CSNK1G3: variants seen among roughly 807,000 people sequenced by gnomAD.
The protein encoded by CSNK1G3 is casein kinase I isoform gamma-3.
Under a neutral mutation model 64.3 loss-of-function variants are expected in CSNK1G3, and 23 were observed. The observed-to-expected ratio is 0.36, with a 90% CI of 0.26 to 0.51. The LOEUF is 0.51. Ranked by LOEUF, CSNK1G3 falls within the 20% of genes least tolerant of loss-of-function variation. CSNK1G3 has a pLI of 0.96. For synonymous variants in CSNK1G3, 158 were observed against 162.2 expected (o/e 0.97, Z 0.20); for missense variants, 357 against 510.5 (o/e 0.70, Z 2.90).
chr5:123,599,762 T>C (rs915776358), intron 10 of CSNK1G3, among the ~76,000 whole-genome samples: 1 of 152,094 alleles, frequency 6.6e-6, no homozygotes, highest in Non-Finnish European at 1.5e-5. Context: ...GGAGGGAGTA[T>C]GGTTATGTGC....
At chr5:123,591,507 A>G (rs1272651513) in intron 10 of CSNK1G3, 93 bp downstream of exon 10, 10 of 641,480 alleles carry the variant, frequency 1.6e-5, no homozygotes, top group Non-Finnish European at 2.6e-5. Flanking sequence ...AGGATTGAAA[A>G]TACATATTTT....
intron 2 of CSNK1G3, among the ~76,000 whole-genome samples, chr5:123,550,550 C>A (rs914135879): frequency 1.3e-5 from 2 of 152,136 alleles, no homozygotes; most frequent in African/African-American, 4.8e-5. Flanking sequence ...ATAGTTGTTT[C>A]TGCTGTAAAC....
intron 1 of CSNK1G3, among the ~76,000 whole-genome samples, chr5:123,516,822 GT>G (rs559206308): frequency 1.3e-4 from 20 of 151,802 alleles, no homozygotes; most frequent in African/African-American, 4.3e-4. Flanking sequence ...AAAGTTTAAT[GT>G]TTTTTTTCTC....
intron 12 of CSNK1G3, among the ~76,000 whole-genome samples, chr5:123,608,055 C>G (rs535552233): frequency 1.2e-4 from 19 of 152,190 alleles, no homozygotes; most frequent in African/African-American, 3.4e-4. Context: ...CCAGCCCCCC[C>G]AGTAGGTGGG....
intron 4 of CSNK1G3, among the ~76,000 whole-genome samples, chr5:123,565,168 G>T (rs1387850760): frequency 2.6e-5 from 4 of 152,052 alleles, no homozygotes; most frequent in Admixed American, 6.6e-5. Flanking sequence ...TTAATGTCTG[G>T]CTTAACAGTA....
chr5:123,563,360 A>T (rs1248631633), intron 4 of CSNK1G3, among the ~76,000 whole-genome samples: 1 of 152,034 alleles, frequency 6.6e-6, no homozygotes, highest in Non-Finnish European at 1.5e-5. Flanking sequence ...TACTGAAATT[A>T]TAACTCTTTA....
intron 4 of CSNK1G3, among the ~76,000 whole-genome samples, chr5:123,557,944 G>A (rs1784940047): frequency 6.6e-6 from 1 of 152,130 alleles, no homozygotes; most frequent in Non-Finnish European, 1.5e-5. Flanking sequence ...ACATGTTACT[G>A]TATGACAAAG....
At chr5:123,604,186 GT>G (rs1255476235) in intron 10 of CSNK1G3, among the ~76,000 whole-genome samples, 1 of 152,042 alleles carries the variant, frequency 6.6e-6, no homozygotes, top group Non-Finnish European at 1.5e-5. Context: ...TTAGATGTGG[GT>G]TTTAAGTTAA....
intron 10 of CSNK1G3, among the ~76,000 whole-genome samples, chr5:123,593,784 A>G (rs1792891154): frequency 6.6e-6 from 1 of 152,046 alleles, no homozygotes; most frequent in Non-Finnish European, 1.5e-5. Flanking sequence ...GCATTGTACA[A>G]TTTAGGAAGC....
intron 4 of CSNK1G3, among the ~76,000 whole-genome samples, chr5:123,562,253 C>T (rs1785896853): frequency 6.6e-6 from 1 of 152,030 alleles, no homozygotes; most frequent in Non-Finnish European, 1.5e-5. Context: ...AGAAAATCTT[C>T]TTATTTGATC....
intron 2 of CSNK1G3, among the ~76,000 whole-genome samples, chr5:123,551,010 C>G (rs1175602150): frequency 1.3e-5 from 2 of 152,102 alleles, no homozygotes; most frequent in African/African-American, 4.8e-5. Context: ...TGAAAGCCAA[C>G]AAAAATAGTA....
At chr5:123,589,894 A>G (rs917767444) in intron 8 of CSNK1G3, among the ~76,000 whole-genome samples, 1 of 152,188 alleles carries the variant, frequency 6.6e-6, no homozygotes, top group East Asian at 1.9e-4. Context: ...TGTTAGCTTA[A>G]TTGGTTAGAA....
chr5:123,573,318 A>G (rs1304777718), intron 4 of CSNK1G3, 75 bp from the exon 5 acceptor site: 3 of 1,467,500 alleles, frequency 2.0e-6, no homozygotes, highest in Non-Finnish European at 2.8e-6. Context: ...TAAAATTTTA[A>G]ATATCAGTTT....
intron 6 of CSNK1G3, among the ~76,000 whole-genome samples, chr5:123,585,568 C>T (rs1280322347): frequency 6.6e-6 from 1 of 152,098 alleles, no homozygotes; most frequent in African/African-American, 2.4e-5. Context: ...ATTGGCAAAA[C>T]ATATCTGAAA....
chr5:123,525,546 C>T (rs539643151), intron 1 of CSNK1G3, among the ~76,000 whole-genome samples: 10 of 152,170 alleles, frequency 6.6e-5, no homozygotes, highest in South Asian at 2.1e-4. Flanking sequence ...CTGCCCACCT[C>T]GGCCTCCCAA....
At chr5:123,513,349 A>T (rs115073117) in intron 1 of CSNK1G3, among the ~76,000 whole-genome samples, 283 of 152,124 alleles carry the variant, frequency 1.9e-3, no homozygotes, top group Non-Finnish European at 3.2e-3. Context: ...GGGGGTAGTG[A>T]GGCCTGTGTC....
At chr5:123,582,874 A>T (rs1790562040) in intron 6 of CSNK1G3, among the ~76,000 whole-genome samples, 1 of 152,214 alleles carries the variant, frequency 6.6e-6, no homozygotes, top group Non-Finnish European at 1.5e-5. Flanking sequence ...ACATGGTAAA[A>T]TTTATTTCCA....
intron 1 of CSNK1G3, among the ~76,000 whole-genome samples, chr5:123,515,702 G>C (rs1442110690): frequency 2.0e-5 from 3 of 152,048 alleles, no homozygotes; most frequent in African/African-American, 7.2e-5. Context: ...AAAATTGTTT[G>C]AAGTTTTTTT....
intron 1 of CSNK1G3, 149 bp downstream of exon 1, chr5:123,512,719 T>G: frequency 7.0e-6 from 1 of 142,376 alleles, no homozygotes; most frequent in Admixed American, 6.8e-5. Context: ...GGCGCGGGTG[T>G]CGGGGGAGGG....
Sources: allele counts gnomAD v4.1 joint callset (sites outside exome capture counted in the v4.1 genomes callset), GRCh38; gene constraint gnomAD v4.1.1; transcripts MANE v1.5; gene names NCBI Gene and HGNC (gene_info 2026-07-23, HGNC 2026-07-21).